The following PATJ variants were observed in gnomAD, a reference collection of about 807,000 sequenced individuals.
The protein encoded by PATJ is PATJ crumbs cell polarity complex component.
In PATJ, 190 loss-of-function variants were observed where a neutral mutation model predicts 224.9. The observed-to-expected ratio is 0.84, with a 90% CI of 0.75 to 0.95. PATJ has a LOEUF of 0.95. Among genes scored for constraint, PATJ ranks in the 40% least tolerant of loss-of-function variants. PATJ has a pLI of 0.00. For synonymous variants in PATJ, 769 were observed against 820.3 expected, an observed-to-expected ratio of 0.94 and a Z score of 1.07; for missense variants, 2,121 against 2,270.3, an observed-to-expected ratio of 0.93 and a Z score of 1.34.
chr1:62,005,661 G>A (rs529293981), intron 28 of PATJ, among the ~76,000 whole-genome samples: 1 of 152,070 alleles, frequency 6.6e-6, no homozygotes, highest in Non-Finnish European at 1.5e-5. Flanking sequence ...GGGAGGCTGA[G>A]GTGGGAGTAT....
At chr1:62,070,268 A>C (rs1465938482) in intron 31 of PATJ, among the ~76,000 whole-genome samples, 1 of 152,218 alleles carries the variant, frequency 6.6e-6, no homozygotes, top group African/African-American at 2.4e-5. Flanking sequence ...TCCTCTAAAA[A>C]TTCCCATGAG....
chr1:61,886,439 G>T (rs921594739), intron 22 of PATJ, among the ~76,000 whole-genome samples: 3 of 152,160 alleles, frequency 2.0e-5, no homozygotes, highest in Non-Finnish European at 4.4e-5. Flanking sequence ...AACATTGTTA[G>T]TAGAGTAGAT....
At chr1:61,872,085 C>T (rs1216892029) in intron 20 of PATJ, among the ~76,000 whole-genome samples, 5 of 152,084 alleles carry the variant, frequency 3.3e-5, no homozygotes, top group African/African-American at 1.2e-4. Flanking sequence ...TTTTCTTCTT[C>T]TTCATTTACT....
chr1:61,753,014 G>A (rs892000745), intron 1 of PATJ, among the ~76,000 whole-genome samples: 2 of 152,118 alleles, frequency 1.3e-5, no homozygotes, highest in African/African-American at 4.8e-5. Flanking sequence ...GGCTAGGAAA[G>A]TTTGTTTTTC....
chr1:62,148,511 T>C, intron 42 of PATJ, 121 bp downstream of exon 42: 2 of 695,174 alleles, frequency 2.9e-6, no homozygotes, highest in Non-Finnish European at 5.2e-6. Context: ...TTTTTCTAAA[T>C]TCTAGGGAAT....
Position 62,128,946 on chromosome 1 carries a change from G to A in PATJ, c.5271+1G>A, listed in dbSNP as rs370199661. The A allele has an allele frequency of 2.7e-5, 43 of 1,591,540 alleles. No individual in the cohort carries two copies. The highest frequency in any genetic ancestry group is 3.5e-5 in the Non-Finnish European group (41 of 1,160,436). ...CGCCTACGGGCGCATTATCCTGCAG[G>A]TATTGCGATCAACGGAGCACGCAGC... On this transcript the variant is annotated splice_donor_variant, in intron 41 of 43. Coordinates refer to ENST00000642238, the MANE Select transcript of PATJ (RefSeq NM_001350145.3). LOFTEE classifies it high-confidence loss of function.
chr1:62,102,949 A>G lies in PATJ; in HGVS notation c.4378-5488A>G, dbSNP rs114222987. ...GGGGCCTATGCATCATGCTTTCTGT[A>G]GTGCAAACCCCTAACCATGTGCCAG... On this transcript the variant is annotated intron_variant, in intron 33 of 43. Transcript: ENST00000642238. Among the ~76,000 whole-genome samples the G allele has an allele frequency of 4.8e-3, 724 of 151,228 alleles. 9 individuals carry two copies. The highest frequency in any genetic ancestry group is 0.017 in the African/African-American group (710 of 41,222).
chr1:61,906,944 C>T (rs1265328763), intron 24 of PATJ, among the ~76,000 whole-genome samples: 1 of 152,082 alleles, frequency 6.6e-6, no homozygotes, highest in Non-Finnish European at 1.5e-5. Flanking sequence ...TCCCAAAATC[C>T]CCATATGTCA....
At chr1:61,871,495 A>ATATACACATATATATGTG (rs1557793498) in intron 20 of PATJ, among the ~76,000 whole-genome samples, 4 of 46,266 alleles carry the variant, frequency 8.6e-5, no homozygotes, top group Admixed American at 6.8e-4. Flanking sequence ...GTATATATGT[A>ATATACACATATATATGTG]TATATACATA....
At chr1:61,776,730 T>A (rs898669444) in intron 7 of PATJ, among the ~76,000 whole-genome samples, 1 of 97,152 alleles carries the variant, frequency 1.0e-5, no homozygotes, top group Non-Finnish European at 2.7e-5. Context: ...TTAATCTACT[T>A]TTTTTTTTTT....
chr1:61,833,207 A>T (rs1310910229), intron 16 of PATJ, among the ~76,000 whole-genome samples: 1 of 151,870 alleles, frequency 6.6e-6, no homozygotes, highest in East Asian at 1.9e-4. Context: ...GCTCCAGCCT[A>T]TCTCTGTGTT....
intron 39 of PATJ, among the ~76,000 whole-genome samples, chr1:62,123,558 A>G (rs1158653572): frequency 7.1e-6 from 1 of 141,434 alleles, no homozygotes; most frequent in African/African-American, 2.7e-5. Context: ...GCTCACTGCA[A>G]GCTCCACCTC....
At chr1:61,933,415 C>CTTG (rs768241892) in intron 27 of PATJ, among the ~76,000 whole-genome samples, 5 of 151,766 alleles carry the variant, frequency 3.3e-5, no homozygotes, top group Non-Finnish European at 4.4e-5. Flanking sequence ...TGGCGGGCTC[C>CTTG]TTGTAATCCT....
Position 61,813,334 on chromosome 1 carries a change from CATATATAT to C in PATJ, c.1683+4842_1683+4849del, listed in dbSNP as rs747640923. 7.8e-3 allele frequency among the ~76,000 whole-genome samples: 489 copies of C among 62,966 alleles called. 2 individuals are homozygous for C. Among genetic ancestry groups the C allele is most frequent in the Non-Finnish European group, 0.011 (365 of 32,502 alleles). 41.3% of individuals were successfully genotyped at this position (62,966 alleles called of 152,430 possible). The stretch of plus-strand genomic sequence containing the variant: ...TCCTGATCAACCTCTATGGAATGTA[CATATATAT>C]ATATATATATATATATATATATATA... On this transcript the variant is annotated intron_variant, in intron 14 of 43. Transcript: ENST00000642238.
At chr1:62,030,029 G>C (rs1388132846) in intron 29 of PATJ, among the ~76,000 whole-genome samples, 1 of 152,172 alleles carries the variant, frequency 6.6e-6, no homozygotes, top group African/African-American at 2.4e-5. Context: ...CAGATGCAGA[G>C]AAAGCAGAAC....
intron 33 of PATJ, among the ~76,000 whole-genome samples, chr1:62,103,573 T>G (rs1434213470): frequency 6.6e-6 from 1 of 152,132 alleles, no homozygotes; most frequent in African/African-American, 2.4e-5. Context: ...GCCACCATGG[T>G]GAAACCTCAT....
chr1:61,810,234 C>G (rs1654440257), intron 14 of PATJ, among the ~76,000 whole-genome samples: 1 of 152,108 alleles, frequency 6.6e-6, no homozygotes, highest in African/African-American at 2.4e-5. Context: ...ATTGTTGTGA[C>G]TGTGTCGGCC....
intron 27 of PATJ, among the ~76,000 whole-genome samples, chr1:61,953,538 G>C (rs1021209112): frequency 2.0e-5 from 3 of 152,316 alleles, no homozygotes; most frequent in Non-Finnish European, 4.4e-5. Flanking sequence ...AAATGCTATA[G>C]CTCCTAAATG....
rs533708237 is a variant in PATJ, at chr1:62,017,575, C to CA, written c.3868-274dup. ...TGAAACCTCTTCTCTACTAAAAATA[C>CA]AAAAAAATTAGCCAGGCGTGGTGGC... On this transcript the variant is annotated intron_variant, in intron 28 of 43. Transcript: ENST00000642238. 2.1e-4 allele frequency among the ~76,000 whole-genome samples: 31 copies of CA among 150,798 alleles called. No individual in the cohort carries two copies. In the East Asian group the frequency reaches 4.3e-3, roughly 21 times the overall value.
Sources: allele counts gnomAD v4.1 joint callset (sites outside exome capture counted in the v4.1 genomes callset), GRCh38; gene constraint gnomAD v4.1.1; transcripts MANE v1.5; gene names NCBI Gene and HGNC (gene_info 2026-07-23, HGNC 2026-07-21).